ZNF792: variants seen among roughly 807,000 people sequenced by gnomAD.
ZNF792 encodes zinc finger protein 792.
ZNF792 carries 14 observed loss-of-function variants against 13.1 expected under a neutral mutation model. The ratio of observed to expected loss-of-function variants is 1.07; its 90% CI spans 0.71 to 1.67. ZNF792 has a LOEUF of 1.67. ZNF792 is among the 40% of genes most tolerant of loss of function. The probability of loss-of-function intolerance (pLI) is 0.00; values close to 1 mark genes in which losing one functional copy is unlikely to be tolerated. For synonymous variants in ZNF792, 257 were observed against 292.0 expected, an observed-to-expected ratio of 0.88 and a Z score of 1.22; for missense variants, 740 against 807.9, an observed-to-expected ratio of 0.92 and a Z score of 1.02.
chr19:34,959,376 A>T lies in ZNF792; in HGVS notation c.479T>A (p.Phe160Tyr). The T allele has an allele frequency of 6.2e-7, 1 of 1,614,020 alleles. No homozygotes were observed. The highest frequency in any genetic ancestry group is 8.5e-7 in the Non-Finnish European group (1 of 1,179,940). ...HQTTHPRQKPFVCEAYVKGSE... is the reference protein window; with the variant it reads ...HQTTHPRQKPYVCEAYVKGSE... The stretch of plus-strand genomic sequence containing the variant: ...GCCTTTCACATATGCCTCACACACA[A>T]ATGGTTTCTGCCTGGGATGTGTTGT... The change falls in exon 4 of 4, where the codon TTT (phenylalanine) becomes TAT (tyrosine). Residue 160 changes from phenylalanine to tyrosine, a missense_variant. By Grantham distance (22) the Phe-to-Tyr change is conservative. Coordinates refer to ENST00000404801, the MANE Select transcript of ZNF792 (RefSeq NM_175872.5).
In ZNF792 at chr19:34,959,029, G is replaced by A. The variant is rs1243851868; in HGVS notation, c.826C>T (p.His276Tyr). ...KSTLVQHQRIHSRERPYECSK... is the reference protein window; with the variant it reads ...KSTLVQHQRIYSRERPYECSK... ...CATTCATAAGGCCTTTCTCTGCTGTGGATTCTCTGGTGCTGAACAAGAGTG... is the reference window on the plus strand; with the variant it reads ...CATTCATAAGGCCTTTCTCTGCTGTAGATTCTCTGGTGCTGAACAAGAGTG... Residue 276 changes from histidine to tyrosine, a missense_variant, in exon 4 of 4, where the codon CAC becomes TAC. His to Tyr is a moderately conservative substitution (Grantham distance 83). Coordinates refer to ENST00000404801, the MANE Select transcript of ZNF792 (RefSeq NM_175872.5). 2 of 1,614,018 alleles carry A rather than the reference G, an allele frequency of 1.2e-6. No individual in the cohort carries two copies. Among genetic ancestry groups the A allele is most frequent in the East Asian group, 2.2e-5 (1 of 44,894 alleles).
Position 34,963,827 on chromosome 19 carries a change from G to T in ZNF792, c.-165C>A, listed in dbSNP as rs953865617. Reference sequence around the variant, plus strand: ...CCTCAGTCTCCCCCGTGCAAAATGCGCAAGGGGCCCGGGGCGCAGGCTCCG... The same window carrying T: ...CCTCAGTCTCCCCCGTGCAAAATGCTCAAGGGGCCCGGGGCGCAGGCTCCG... On this transcript the variant is annotated 5_prime_UTR_variant, in exon 1 of 4. Coordinates refer to ENST00000404801, the MANE Select transcript of ZNF792 (RefSeq NM_175872.5). 3.8e-6 allele frequency: 3 copies of T among 788,350 alleles called. No individual in the cohort carries two copies. Among genetic ancestry groups the T allele is most frequent in the South Asian group, 4.0e-5 (2 of 50,306 alleles). 48.8% of individuals were successfully genotyped at this position (788,350 alleles called of 1,614,324 possible).
rs182386803 is a variant in ZNF792, at chr19:34,959,327, G to A, written c.528C>T (p.Pro176=). Residue 176 remains proline (P), a synonymous_variant, in exon 4 of 4, where the codon CCC becomes CCT. Transcript: ENST00000404801. ...GTACGTTCTGCTGCACCTGTTTCCG[G>A]GGAAGGTTTGCACTGAACTCAGAGC... ...VKGSEFSANL[P]RKQVQQNVHN... The A allele has an allele frequency of 9.0e-5, 145 of 1,614,036 alleles. No homozygotes were observed. In the Admixed American group the frequency reaches 2.4e-3, roughly 27 times the overall value.
Position 34,963,758 on chromosome 19 carries a change from G to A in ZNF792, c.-96C>T. On this transcript the variant is annotated 5_prime_UTR_variant, in exon 1 of 4. Transcript: ENST00000404801. ...CTGAGGCTACCACCCACCTGGCCGT[G>A]CCCCAGACGAGGTGTGACCCCGGGC... 1 of 1,362,054 alleles carries A rather than the reference G, an allele frequency of 7.3e-7. No individual in the cohort carries two copies. Among genetic ancestry groups the A allele is most frequent in the Non-Finnish European group, 9.9e-7 (1 of 1,014,796 alleles). The allele number at this position is 1,362,054 out of a possible 1,614,324, so 84.4% of individuals were successfully genotyped here.
intron 2 of ZNF792, 166 bp downstream of exon 2, chr19:34,960,702 G>A: frequency 1.9e-6 from 2 of 1,065,956 alleles, no homozygotes; most frequent in African/African-American, 1.6e-5. Context: ...GGAGAGGAGG[G>A]AACAATGCAC....
In ZNF792 at chr19:34,959,228, A is replaced by G. The variant is rs765425799; in HGVS notation, c.627T>C (p.Leu209=). 1 of 1,613,868 alleles carries G rather than the reference A, an allele frequency of 6.2e-7. No homozygotes were observed. Among genetic ancestry groups the G allele is most frequent in the Non-Finnish European group, 8.5e-7 (1 of 1,179,898 alleles). Residue 209 remains leucine (L), a synonymous_variant, in exon 4 of 4, where the codon CTT becomes CTC. Transcript: ENST00000404801. ...KTCRDHTSDQ[L]STCREGGKDF... is the part of the protein sequence containing the mutation. The stretch of plus-strand genomic sequence containing the variant: ...CCTTCCCACCCTCCCTGCAGGTGGA[A>G]AGCTGATCTGATGTGTGGTCTCTGC...
intron 1 of ZNF792, among the ~76,000 whole-genome samples, chr19:34,961,935 G>A (rs1288965263): frequency 6.6e-6 from 1 of 152,056 alleles, no homozygotes; most frequent in African/African-American, 2.4e-5. Context: ...CTAAGCCTCA[G>A]CATCCATCTC....
rs148758479 is a variant in ZNF792 at position 34,958,276 on chromosome 19, G to A, written c.1579C>T (p.Leu527Phe). 41 of 1,603,472 alleles carry A rather than the reference G, an allele frequency of 2.6e-5. No individual in the cohort carries two copies. Among genetic ancestry groups the A allele is most frequent in the Non-Finnish European group, 3.1e-5 (36 of 1,176,388 alleles). Residue 527 changes from leucine (L) to phenylalanine (F), a missense_variant, in exon 4 of 4, where the codon CTT becomes TTT. Leu to Phe is a conservative substitution (Grantham distance 22). Coordinates refer to ENST00000404801, the MANE Select transcript of ZNF792 (RefSeq NM_175872.5). Reference protein sequence around the residue: ...QSSSLNNHRRLHTGERPYECS... With the variant: ...QSSSLNNHRRFHTGERPYECS... Reference sequence around the variant, plus strand: ...TCATAAGGCCGCTCGCCGGTGTGAAGTCTCCGGTGGTTATTGAGGCTGGAG... The same window carrying A: ...TCATAAGGCCGCTCGCCGGTGTGAAATCTCCGGTGGTTATTGAGGCTGGAG...
In ZNF792 at chr19:34,958,682, T is replaced by C; in HGVS notation, c.1173A>G (p.Arg391=). The C allele has an allele frequency of 6.2e-7, 1 of 1,614,140 alleles. No individual in the cohort carries two copies. The highest frequency in any genetic ancestry group is 1.7e-5 in the Admixed American group (1 of 60,026). The change falls in exon 4 of 4, where the codon AGA becomes AGG. Residue 391 remains arginine (R), a synonymous_variant. Transcript: ENST00000404801. ...LIHHKRVHTG[R]SAHECSECGK... is the part of the protein sequence containing the mutation. ...CACATTCACTGCACTCATGGGCACTTCTGCCCGTATGAACCCTCTTATGAT... is the reference window on the plus strand; with the variant it reads ...CACATTCACTGCACTCATGGGCACTCCTGCCCGTATGAACCCTCTTATGAT...
At position 34,960,339 on chromosome 19, in the gene ZNF792, G is replaced by A. The variant is rs753698475; in HGVS notation, c.179C>T (p.Ser60Phe). The A allele has an allele frequency of 3.7e-6, 6 of 1,613,398 alleles. No individual in the cohort carries two copies. The highest frequency in any genetic ancestry group is 1.1e-5 in the South Asian group (1 of 90,996). The change falls in exon 3 of 4, where the codon TCC (serine) becomes TTC (phenylalanine). Residue 60 changes from serine to phenylalanine, a missense_variant. By Grantham distance (155) the Ser-to-Phe change is radical (BLOSUM62 -2). Coordinates refer to ENST00000404801, the MANE Select transcript of ZNF792 (RefSeq NM_175872.5). ...IASLGLISFRSHIVSQLEMGK... is the reference protein window; with the variant it reads ...IASLGLISFRFHIVSQLEMGK... ...CATCTCCAACTGGGAAACGATGTGG[G>A]ACCTGAAAGATATAAGTCCTAAGGG... is the stretch of plus-strand genomic sequence containing the variant.
Position 34,963,390 on chromosome 19 carries a change from G to A in ZNF792, c.33+240C>T, listed in dbSNP as rs563982049. Among the ~76,000 whole-genome samples the A allele has an allele frequency of 2.7e-4, 41 of 151,990 alleles. 2 individuals carry two copies. The South Asian group carries it at 8.1e-3, about 30-fold the overall frequency. ...AGCTTTTGCGCACGCTGGTTCCTGT[G>A]CCTACAAAGCCCTTTCTCCCTCCAT... is the stretch of plus-strand genomic sequence containing the variant. On this transcript the variant is annotated intron_variant, in intron 1 of 3. Transcript: ENST00000404801.
chr19:34,960,181 G>A (rs2013504642), intron 3 of ZNF792, 54 bp downstream of exon 3: 3 of 1,598,240 alleles, frequency 1.9e-6, no homozygotes, highest in Admixed American at 3.4e-5. Context: ...ATGCTGGTAT[G>A]ATGTAAACAC....
At chr19:34,961,185 G>A (rs1035580559) in intron 1 of ZNF792, among the ~76,000 whole-genome samples, 191 bp from the exon 2 acceptor site, 2 of 152,092 alleles carry the variant, frequency 1.3e-5, no homozygotes, top group Non-Finnish European at 2.9e-5. Flanking sequence ...CACCCTCTAA[G>A]CTCTGGGCCT....
At chr19:34,961,903 T>C (rs1190867171) in intron 1 of ZNF792, among the ~76,000 whole-genome samples, 1 of 152,108 alleles carries the variant, frequency 6.6e-6, no homozygotes, top group East Asian at 1.9e-4. Context: ...CAGGCCTCAC[T>C]GCAATATTAC....
Position 34,958,449 on chromosome 19 carries a change from T to G in ZNF792, c.1406A>C (p.Gln469Pro). 1 of 1,607,500 alleles carries G rather than the reference T, an allele frequency of 6.2e-7. No individual in the cohort carries two copies. The highest frequency in any genetic ancestry group is 8.5e-7 in the Non-Finnish European group (1 of 1,176,608). Residue 469 changes from glutamine to proline, a missense_variant, in exon 4 of 4, where the codon CAG becomes CCG. Gln to Pro is a moderately conservative substitution (Grantham distance 76). Coordinates refer to ENST00000404801, the MANE Select transcript of ZNF792 (RefSeq NM_175872.5). ...AGGCCGCTCACCAGTGTGAACTCGCTGATGTTTCATGAGGTCAGAGCTTCG... is the reference window on the plus strand; with the variant it reads ...AGGCCGCTCACCAGTGTGAACTCGCGGATGTTTCATGAGGTCAGAGCTTCG... ...FSRSSDLMKH[Q>P]RVHTGERPYE...
At chr19:34,961,801 C>T (rs1448033777) in intron 1 of ZNF792, among the ~76,000 whole-genome samples, 1 of 152,188 alleles carries the variant, frequency 6.6e-6, no homozygotes, top group Non-Finnish European at 1.5e-5. Context: ...ACTCCTCTTG[C>T]CCCAAGCTAA....
rs2013450656 is a variant in ZNF792 at position 34,957,587 on chromosome 19, G to C, written c.*369C>G. 1 of 212,842 alleles carries C rather than the reference G, an allele frequency of 4.7e-6. No homozygotes were observed. Among genetic ancestry groups the C allele is most frequent in the African/African-American group, 2.3e-5 (1 of 43,136 alleles). 13.2% of individuals were successfully genotyped at this position (212,842 alleles called of 1,614,324 possible). ...TGAAGGCTGGACAAATCCTTCACAG[G>C]CATAACATGAGACCAACAATGTCCC... On this transcript the variant is annotated 3_prime_UTR_variant, in exon 4 of 4. Coordinates refer to ENST00000404801, the MANE Select transcript of ZNF792 (RefSeq NM_175872.5).
In ZNF792 at chr19:34,958,005, T is replaced by C. The variant is rs759218886; in HGVS notation, c.1850A>G (p.Tyr617Cys). The part of the protein sequence containing the change: ...ENRPYQGAVN[Y>C]KLKLVHPSTH... ...ACTTGGATGAACAAGTTTCAACTTGTAGTTGACAGCGCCCTGATAAGGTCT... is the reference window on the plus strand; with the variant it reads ...ACTTGGATGAACAAGTTTCAACTTGCAGTTGACAGCGCCCTGATAAGGTCT... The change falls in exon 4 of 4, where the codon TAC (tyrosine) becomes TGC (cysteine). Residue 617 changes from tyrosine (Y) to cysteine (C), a missense_variant. Coordinates refer to ENST00000404801, the MANE Select transcript of ZNF792 (RefSeq NM_175872.5). The C allele has an allele frequency of 6.2e-7, 1 of 1,613,032 alleles. No individual in the cohort carries two copies. The highest frequency in any genetic ancestry group is 1.1e-5 in the South Asian group (1 of 90,780).
At chr19:34,962,297 C>A (rs2013540786) in intron 1 of ZNF792, among the ~76,000 whole-genome samples, 1 of 152,168 alleles carries the variant, frequency 6.6e-6, no homozygotes, top group Non-Finnish European at 1.5e-5. Flanking sequence ...CTCACTATAG[C>A]AAGAGAGACT....
Sources: allele counts gnomAD v4.1 joint callset (sites outside exome capture counted in the v4.1 genomes callset), GRCh38; gene constraint gnomAD v4.1.1; transcripts MANE v1.5; gene names NCBI Gene and HGNC (gene_info 2026-07-23, HGNC 2026-07-21).